Variants in PIR observed in about 807,000 individuals in gnomAD.
PIR encodes pirin.
Under a neutral mutation model 24.2 loss-of-function variants are expected in PIR, and 22 were observed. The observed-to-expected ratio is 0.91, with a 90% CI of 0.65 to 1.30. The LOEUF (loss-of-function observed/expected upper bound fraction) is 1.30, where lower values mean the gene tolerates loss of function less well. PIR is among the 50% of genes most tolerant of loss of function. The pLI, the probability that PIR is intolerant of heterozygous loss-of-function variation, is 0.00. For missense variants in PIR, 220 were observed against 220.3 expected, an observed-to-expected ratio of 1.00 and a Z score of 0.01; for synonymous variants, 80 against 79.6, an observed-to-expected ratio of 1.00 and a Z score of -0.03.
intron 6 of PIR, among the ~76,000 whole-genome samples, chrX:15,422,294 A>G (rs1016681388): frequency 9.3e-6 from 1 of 107,972 alleles, no homozygotes; most frequent in East Asian, 3.0e-4. Flanking sequence ...TTTATTCAAC[A>G]TAATACTGGA....
chrX:15,399,842 A>G (rs1010168315), intron 7 of PIR, among the ~76,000 whole-genome samples: 4 of 111,734 alleles, frequency 3.6e-5, no homozygotes, highest in African/African-American at 1.3e-4. Flanking sequence ...CACTGACTTT[A>G]AAAACATTAT....
intron 5 of PIR, among the ~76,000 whole-genome samples, chrX:15,444,004 A>T (rs1926005694): frequency 8.9e-6 from 1 of 112,799 alleles, no homozygotes; most frequent in East Asian, 2.8e-4. Flanking sequence ...TGACAATAAA[A>T]GTTTTAAAAT....
intron 3 of PIR, among the ~76,000 whole-genome samples, chrX:15,468,009 T>A (rs1196368782): frequency 8.9e-6 from 1 of 111,972 alleles, no homozygotes; most frequent in African/African-American, 3.3e-5. Flanking sequence ...ACCACCTACA[T>A]CTGGCAAAAC....
chrX:15,477,662 T>C (rs1039358420), intron 3 of PIR, among the ~76,000 whole-genome samples: 5 of 66,304 alleles, frequency 7.5e-5, no homozygotes, highest in Non-Finnish European at 1.4e-4. Flanking sequence ...AACAGTGAAA[T>C]TACCCACACA....
intron 2 of PIR, among the ~76,000 whole-genome samples, chrX:15,489,160 G>A (rs1190153326): frequency 2.7e-5 from 3 of 111,678 alleles, no homozygotes; most frequent in Admixed American, 9.5e-5. Flanking sequence ...TAGATATATC[G>A]AAATATTGTT....
chrX:15,463,254 G>C (rs1225265892), intron 3 of PIR, among the ~76,000 whole-genome samples: 2 of 111,524 alleles, frequency 1.8e-5, no homozygotes, highest in African/African-American at 6.5e-5. Flanking sequence ...CAGAAATAAA[G>C]GTATTTTTGT....
chrX:15,461,132 T>C (rs1366367080), intron 3 of PIR, among the ~76,000 whole-genome samples: 3 of 111,679 alleles, frequency 2.7e-5, no homozygotes, highest in African/African-American at 6.5e-5. Flanking sequence ...ATGATGGTCC[T>C]GGCATGGTGG....
chrX:15,443,848 AG>A (rs899752903), intron 5 of PIR, among the ~76,000 whole-genome samples: 11 of 112,311 alleles, frequency 9.8e-5, no homozygotes, highest in Non-Finnish European at 1.9e-4. Context: ...AACTAGAATT[AG>A]AAGTGGAGCC....
intron 3 of PIR, among the ~76,000 whole-genome samples, chrX:15,465,597 A>T (rs984757071): frequency 8.9e-6 from 1 of 112,129 alleles, no homozygotes; most frequent in African/African-American, 3.2e-5. Context: ...TGTTTTCTTA[A>T]AGCACTTGAC....
chrX:15,414,779 A>C (rs1430387513), intron 6 of PIR, among the ~76,000 whole-genome samples: 1 of 111,119 alleles, frequency 9.0e-6, no homozygotes, highest in Non-Finnish European at 1.9e-5. Context: ...AAGTGTGTGG[A>C]TTACAAGTGT....
At chrX:15,426,420 TA>T (rs1347201853) in intron 5 of PIR, among the ~76,000 whole-genome samples, 7 of 112,099 alleles carry the variant, frequency 6.2e-5, no homozygotes, top group Non-Finnish European at 1.3e-4. Context: ...ACATATTTTT[TA>T]TTTTTTCTTA....
rs370522973 is a variant in PIR, at chrX:15,491,192, C to T, written c.66G>A (p.Ala22=). The part of the protein sequence containing the change: ...LSREQSEGVG[A]RVRRSIGRPE... ...GTCTGCCAATGCTTCTCCGGACCCT[C>T]GCTCCAACCCCTTCCGACTGCTCCC... Residue 22 remains alanine, a synonymous_variant, in exon 2 of 10, where the codon GCG becomes GCA. Coordinates refer to ENST00000380420, the MANE Select transcript of PIR (RefSeq NM_001018109.3). The T allele has an allele frequency of 1.2e-5, 15 of 1,204,985 alleles. No individual in the cohort carries two copies. In the South Asian group the frequency reaches 1.8e-4, roughly 14 times the overall value.
At chrX:15,407,103 C>T (rs1178669172) in intron 7 of PIR, among the ~76,000 whole-genome samples, 1 of 112,489 alleles carries the variant, frequency 8.9e-6, no homozygotes, top group African/African-American at 3.2e-5. Flanking sequence ...TGAGTTTTCT[C>T]AGAGGAAACT....
chrX:15,486,355 G>T (rs1221727571), intron 2 of PIR, among the ~76,000 whole-genome samples: 2 of 103,173 alleles, frequency 1.9e-5, no homozygotes, highest in Non-Finnish European at 3.9e-5. Flanking sequence ...CAGGCATGTG[G>T]TACTCCCATA....
At chrX:15,454,032 A>G (rs768686059) in intron 5 of PIR, among the ~76,000 whole-genome samples, 14 of 111,727 alleles carry the variant, frequency 1.3e-4, no homozygotes, top group Non-Finnish European at 2.1e-4. Context: ...CCCTAAAGGC[A>G]TGTCCCTAAA....
intron 6 of PIR, among the ~76,000 whole-genome samples, chrX:15,416,945 T>A (rs1000220980): frequency 9.0e-6 from 1 of 111,489 alleles, no homozygotes; most frequent in Admixed American, 9.6e-5. Flanking sequence ...TTATTTATTT[T>A]TTTCTGAGAC....
At chrX:15,472,253 G>A (rs1162884255) in intron 3 of PIR, among the ~76,000 whole-genome samples, 1 of 111,766 alleles carries the variant, frequency 8.9e-6, no homozygotes, top group African/African-American at 3.3e-5. Flanking sequence ...GGTACAAAGA[G>A]AAAAAAAGGG....
chrX:15,425,354 C>G (rs186170834), intron 6 of PIR, among the ~76,000 whole-genome samples: 2 of 109,904 alleles, frequency 1.8e-5, no homozygotes, highest in East Asian at 5.7e-4. Context: ...GTGGTATGGC[C>G]CACAAGGTCT....
intron 7 of PIR, among the ~76,000 whole-genome samples, chrX:15,399,609 G>C (rs1924312221): frequency 8.9e-6 from 1 of 112,034 alleles, no homozygotes; most frequent in African/African-American, 3.2e-5. Context: ...TAGCCAACAA[G>C]CCACAGTAGT....
Sources: allele counts gnomAD v4.1 joint callset (sites outside exome capture counted in the v4.1 genomes callset), GRCh38; gene constraint gnomAD v4.1.1; transcripts MANE v1.5; gene names NCBI Gene and HGNC (gene_info 2026-07-23, HGNC 2026-07-21).